Variants in ZNF804B observed in about 807,000 individuals in gnomAD.
ZNF804B encodes zinc finger protein 804B.
Under a neutral mutation model 101.4 loss-of-function variants are expected in ZNF804B, and 80 were observed. The observed-to-expected ratio is 0.79, with a 90% CI of 0.66 to 0.95. ZNF804B has a LOEUF of 0.95. Among genes scored for constraint, ZNF804B ranks in the 40% least tolerant of loss-of-function variants. ZNF804B has a pLI of 0.00. For missense variants in ZNF804B, 1,673 were observed against 1,561.9 expected (o/e 1.07, Z -1.20); for synonymous variants, 622 against 558.8 (o/e 1.11, Z -1.59).
rs181727317 is a variant in ZNF804B, at chr7:88,948,383, C to G, written c.108+188299C>G. Among the ~76,000 whole-genome samples, 227 of 142,188 alleles carry G rather than the reference C, an allele frequency of 1.6e-3. 1 individual carries two copies. The highest frequency in any genetic ancestry group is 8.1e-3 in the Middle Eastern group (2 of 248). 93.3% of individuals were successfully genotyped at this position (142,188 alleles called of 152,430 possible). A position where few individuals can be genotyped will look rare whatever the true frequency, so the allele number is the denominator to read the frequency against. ...TGGAGTGCAGCGGTATGATCATGGGCCATCGCAGCCTCAACCTCCAAGGCT... is the reference window on the plus strand; with the variant it reads ...TGGAGTGCAGCGGTATGATCATGGGGCATCGCAGCCTCAACCTCCAAGGCT... On this transcript the variant is annotated intron_variant, in intron 1 of 3. Coordinates refer to ENST00000333190, the MANE Select transcript of ZNF804B (RefSeq NM_181646.5).
At chr7:89,279,501 C>T (rs1287860406) in intron 2 of ZNF804B, among the ~76,000 whole-genome samples, 1 of 150,748 alleles carries the variant, frequency 6.6e-6, no homozygotes, top group East Asian at 1.9e-4. Context: ...TCATAGATAG[C>T]TCTTATTATT....
chr7:89,218,108 G>T, intron 1 of ZNF804B, 47 bp from the exon 2 acceptor site: 1 of 1,565,510 alleles, frequency 6.4e-7, no homozygotes, highest in Non-Finnish European at 8.7e-7. Flanking sequence ...ATCTGGTTAT[G>T]CTATTAGAGA....
At chr7:88,765,993 T>C (rs924340106) in intron 1 of ZNF804B, among the ~76,000 whole-genome samples, 1 of 152,082 alleles carries the variant, frequency 6.6e-6, no homozygotes, top group South Asian at 2.1e-4. Context: ...TAATTGAAGA[T>C]AAAAAAACAC....
At chr7:88,912,849 G>A (rs1012267378) in intron 1 of ZNF804B, among the ~76,000 whole-genome samples, 2 of 152,010 alleles carry the variant, frequency 1.3e-5, no homozygotes, top group East Asian at 1.9e-4. Context: ...AATATTGTGC[G>A]CATTAATATT....
intron 2 of ZNF804B, among the ~76,000 whole-genome samples, chr7:89,225,768 G>T (rs1395989888): frequency 1.3e-5 from 2 of 152,078 alleles, no homozygotes; most frequent in Admixed American, 6.6e-5. Flanking sequence ...TGTTGACAAG[G>T]TGTGCCACCC....
intron 1 of ZNF804B, among the ~76,000 whole-genome samples, chr7:88,781,204 G>C (rs1790220293): frequency 1.3e-5 from 2 of 152,142 alleles, no homozygotes; most frequent in African/African-American, 4.8e-5. Context: ...TATTATTGAA[G>C]AATATAAGAA....
At chr7:88,767,328 C>T (rs1449254505) in intron 1 of ZNF804B, among the ~76,000 whole-genome samples, 1 of 152,182 alleles carries the variant, frequency 6.6e-6, no homozygotes, top group Non-Finnish European at 1.5e-5. Context: ...TGCCCTTCTT[C>T]CCACAGCTAT....
chr7:89,159,113 T>A (rs1791019730), intron 1 of ZNF804B, among the ~76,000 whole-genome samples: 1 of 152,108 alleles, frequency 6.6e-6, no homozygotes, highest in African/African-American at 2.4e-5. Flanking sequence ...TACTAAGTCA[T>A]CTCTCTATTC....
At chr7:89,308,637 T>G (rs1223878026) in intron 2 of ZNF804B, among the ~76,000 whole-genome samples, 1 of 152,194 alleles carries the variant, frequency 6.6e-6, no homozygotes, top group Non-Finnish European at 1.5e-5. Flanking sequence ...AATTCTCCCA[T>G]AAGGTATACA....
chr7:89,205,049 CAT>C (rs1788695318), intron 1 of ZNF804B, among the ~76,000 whole-genome samples: 1 of 152,164 alleles, frequency 6.6e-6, no homozygotes, highest in Non-Finnish European at 1.5e-5. Flanking sequence ...GGAGCAAGGT[CAT>C]GTCTTACATG....
At chr7:88,822,894 T>C (rs1172575911) in intron 1 of ZNF804B, among the ~76,000 whole-genome samples, 2 of 152,166 alleles carry the variant, frequency 1.3e-5, no homozygotes, top group East Asian at 3.9e-4. Context: ...GTTAGAATTT[T>C]CTATGTAAGT....
chr7:88,798,485 C>T lies in ZNF804B; in HGVS notation c.108+38401C>T, dbSNP rs1358706809. 2.6e-5 allele frequency among the ~76,000 whole-genome samples: 4 copies of T among 152,082 alleles called. 1 individual carries two copies. Among genetic ancestry groups the T allele is most frequent in the South Asian group, 4.1e-4 (2 of 4,826 alleles). The stretch of plus-strand genomic sequence containing the variant: ...CAATGTTGCATGGTTCAAACTAATA[C>T]ATTCAGAAGCAATAGTTTTTAATCT... On this transcript the variant is annotated intron_variant, in intron 1 of 3. Transcript: ENST00000333190.
intron 1 of ZNF804B, among the ~76,000 whole-genome samples, chr7:88,875,722 A>G (rs1440962287): frequency 1.3e-5 from 2 of 152,148 alleles, no homozygotes; most frequent in Non-Finnish European, 2.9e-5. Flanking sequence ...GCCGAATTCT[A>G]CCAGAGGTAC....
intron 1 of ZNF804B, among the ~76,000 whole-genome samples, chr7:89,073,508 T>G (rs1458208488): frequency 6.6e-6 from 1 of 152,224 alleles, no homozygotes; most frequent in Non-Finnish European, 1.5e-5. Context: ...TCATCCCATT[T>G]ATTTTGCTAG....
At chr7:88,810,362 C>G (rs1482632208) in intron 1 of ZNF804B, among the ~76,000 whole-genome samples, 1 of 151,808 alleles carries the variant, frequency 6.6e-6, no homozygotes, top group African/African-American at 2.4e-5. Flanking sequence ...GTATAAAAAT[C>G]ATTAAAAAGA....
At chr7:89,051,102 T>C (rs1425531837) in intron 1 of ZNF804B, among the ~76,000 whole-genome samples, 1 of 152,132 alleles carries the variant, frequency 6.6e-6, no homozygotes, top group Non-Finnish European at 1.5e-5. Flanking sequence ...TTTCAACTAT[T>C]CATTTATTTA....
At chr7:89,239,234 C>G (rs1230867900) in intron 2 of ZNF804B, among the ~76,000 whole-genome samples, 1 of 152,094 alleles carries the variant, frequency 6.6e-6, no homozygotes, top group Non-Finnish European at 1.5e-5. Flanking sequence ...GATGCCCAAA[C>G]TGAATGGGAC....
At chr7:89,203,777 T>C (rs935287998) in intron 1 of ZNF804B, among the ~76,000 whole-genome samples, 1 of 152,176 alleles carries the variant, frequency 6.6e-6, no homozygotes, top group African/African-American at 2.4e-5. Flanking sequence ...AGAGATGTCC[T>C]TGGTGTTTTG....
At chr7:88,783,929 C>T (rs1790264399) in intron 1 of ZNF804B, among the ~76,000 whole-genome samples, 1 of 152,032 alleles carries the variant, frequency 6.6e-6, no homozygotes, top group Non-Finnish European at 1.5e-5. Flanking sequence ...AATGAATATA[C>T]ATTTAATGAA....
Sources: allele counts gnomAD v4.1 joint callset (sites outside exome capture counted in the v4.1 genomes callset), GRCh38; gene constraint gnomAD v4.1.1; transcripts MANE v1.5; gene names NCBI Gene and HGNC (gene_info 2026-07-23, HGNC 2026-07-21).